The following HMBOX1 variants were observed in gnomAD, a reference collection of about 807,000 sequenced individuals.
HMBOX1 encodes the protein homeobox-containing protein 1.
A neutral mutation model predicts 54.5 loss-of-function variants in HMBOX1; 14 were observed. That is an observed-to-expected ratio of 0.26 (90% confidence interval 0.17 to 0.40). The LOEUF is 0.40. HMBOX1 is among the 10% of genes least tolerant of loss of function. The probability of loss-of-function intolerance (pLI) is 1.00; values close to 1 mark genes in which losing one functional copy is unlikely to be tolerated. For missense variants in HMBOX1, 332 were observed against 514.4 expected, an observed-to-expected ratio of 0.65 and a Z score of 3.43; for synonymous variants, 160 against 181.0, an observed-to-expected ratio of 0.88 and a Z score of 0.93.
intron 1 of HMBOX1, among the ~76,000 whole-genome samples, chr8:28,925,862 A>G (rs1818353442): frequency 6.6e-6 from 1 of 152,202 alleles, no homozygotes; most frequent in Non-Finnish European, 1.5e-5. Flanking sequence ...GTGACCTTGA[A>G]TCTACTACTT....
intron 1 of HMBOX1, among the ~76,000 whole-genome samples, chr8:28,957,981 T>C (rs186560643): frequency 8.5e-5 from 13 of 152,332 alleles, no homozygotes; most frequent in South Asian, 6.2e-4. Flanking sequence ...CTCAATATAG[T>C]TATTCATAAA....
intron 4 of HMBOX1, among the ~76,000 whole-genome samples, 167 bp from the exon 5 acceptor site, chr8:29,008,905 T>G (rs1165994329): frequency 6.6e-6 from 1 of 152,230 alleles, no homozygotes; most frequent in Non-Finnish European, 1.5e-5. Context: ...TCCTAGCCAG[T>G]GCAGTCAGTC....
intron 1 of HMBOX1, among the ~76,000 whole-genome samples, chr8:28,945,416 A>C (rs1224781802): frequency 1.3e-5 from 2 of 152,240 alleles, no homozygotes; most frequent in East Asian, 3.8e-4. Context: ...TCCAACTCCA[A>C]GTTTTTCATT....
At chr8:29,002,344 G>T (rs1832785000) in intron 4 of HMBOX1, among the ~76,000 whole-genome samples, 1 of 152,136 alleles carries the variant, frequency 6.6e-6, no homozygotes, top group Non-Finnish European at 1.5e-5. Flanking sequence ...GGAGACGAAG[G>T]CAGAAGGTGT....
At chr8:28,891,981 C>T (rs937806178) in intron 1 of HMBOX1, among the ~76,000 whole-genome samples, 2 of 152,142 alleles carry the variant, frequency 1.3e-5, no homozygotes, top group Admixed American at 1.3e-4. Context: ...CTTCCCTCTT[C>T]CTTCCTTCCT....
intron 1 of HMBOX1, among the ~76,000 whole-genome samples, chr8:28,905,709 C>G (rs910369068): frequency 6.6e-6 from 1 of 152,184 alleles, no homozygotes; most frequent in Non-Finnish European, 1.5e-5. Context: ...ACCAGCTGGC[C>G]TTATCCTATT....
chr8:28,938,844 C>T (rs1428653708), intron 1 of HMBOX1, among the ~76,000 whole-genome samples: 1 of 152,144 alleles, frequency 6.6e-6, no homozygotes, highest in African/African-American at 2.4e-5. Context: ...GGGCAGATGG[C>T]ACCACCTTCA....
In HMBOX1 at chr8:28,970,603, TTAGCTATAAGAACTGTAACTTCCTC is replaced by T. The variant is rs920921011; in HGVS notation, c.500+110_500+134del. 1.8e-5 allele frequency: 15 copies of T among 837,592 alleles called. No homozygotes were observed. Among genetic ancestry groups the T allele is most frequent in the Admixed American group, 4.7e-5 (2 of 42,412 alleles). 51.9% of individuals were successfully genotyped at this position (837,592 alleles called of 1,614,324 possible). Reference sequence around the variant, plus strand: ...AAGTAGTATGCTGCGTTTCAGCTACTTAGCTATAAGAACTGTAACTTCCTCTAGCTATAAGAACTGTAACTTCCTC... The same window carrying T: ...AAGTAGTATGCTGCGTTTCAGCTACTTAGCTATAAGAACTGTAACTTCCTC... On this transcript the variant is annotated intron_variant, in intron 3 of 9. Transcript: ENST00000287701. This position sits in a 1 kb window ranked among gnomAD's most constrained non-coding sequence, Gnocchi z 4.3.
intron 6 of HMBOX1, 135 bp downstream of exon 6, chr8:29,019,048 C>T: frequency 1.5e-6 from 1 of 676,740 alleles, no homozygotes; most frequent in Non-Finnish European, 2.5e-6. Flanking sequence ...TTTAGAATAT[C>T]ATAAATGCTG....
At chr8:28,920,019 C>G (rs908394330) in intron 1 of HMBOX1, among the ~76,000 whole-genome samples, 1 of 150,718 alleles carries the variant, frequency 6.6e-6, no homozygotes, top group African/African-American at 2.4e-5. Flanking sequence ...ATAGCTAGAC[C>G]TAGAGATGTA....
At chr8:29,050,389 A>G (rs1041413434) in intron 9 of HMBOX1, 14 of 196,488 alleles carry the variant, frequency 7.1e-5, no homozygotes, top group Admixed American at 1.3e-4. Context: ...AGTTCTAGGT[A>G]AGACGCCTGC....
At chr8:29,015,365 A>G (rs571240984) in intron 5 of HMBOX1, among the ~76,000 whole-genome samples, 1 of 152,284 alleles carries the variant, frequency 6.6e-6, no homozygotes, top group South Asian at 2.1e-4. Context: ...TTTCTTTACA[A>G]GGGTCAGCCC....
intron 6 of HMBOX1, among the ~76,000 whole-genome samples, chr8:29,026,865 A>C (rs1280738130): frequency 1.3e-5 from 2 of 152,230 alleles, no homozygotes; most frequent in Non-Finnish European, 2.9e-5. Flanking sequence ...TATATGTTAC[A>C]ACCTTCCATT....
Position 28,927,369 on chromosome 8 carries a change from A to G in HMBOX1, c.-57-36442A>G, listed in dbSNP as rs139096478. On this transcript the variant is annotated intron_variant, in intron 1 of 9. Transcript: ENST00000287701. ...ATAAAGGGATATCTGAAGCTGGGTA[A>G]TTTACAAAGAAGAGAGGTTTATTTG... is the stretch of plus-strand genomic sequence containing the variant. 9.8e-3 allele frequency among the ~76,000 whole-genome samples: 1,486 copies of G among 152,240 alleles called. 56 individuals are homozygous for G. The highest frequency in any genetic ancestry group is 0.067 in the Admixed American group (1,018 of 15,280).
intron 1 of HMBOX1, among the ~76,000 whole-genome samples, chr8:28,934,297 A>G (rs1444931091): frequency 1.3e-5 from 2 of 152,234 alleles, no homozygotes; most frequent in East Asian, 3.8e-4. Flanking sequence ...AACTAGGCAT[A>G]GAAAAGAACT....
chr8:29,034,084 T>C (rs1486012822), intron 6 of HMBOX1, among the ~76,000 whole-genome samples: 2 of 152,248 alleles, frequency 1.3e-5, no homozygotes, highest in African/African-American at 2.4e-5. Context: ...ATTGTTATAC[T>C]AAACATTCAC....
chr8:28,989,241 C>T (rs1830598793), intron 4 of HMBOX1, among the ~76,000 whole-genome samples: 1 of 151,372 alleles, frequency 6.6e-6, no homozygotes, highest in African/African-American at 2.4e-5. Flanking sequence ...CGTTGCACTC[C>T]AGCCTGGGCA....
intron 6 of HMBOX1, among the ~76,000 whole-genome samples, chr8:29,045,043 T>C (rs950767397): frequency 2.0e-5 from 3 of 152,260 alleles, no homozygotes; most frequent in Non-Finnish European, 2.9e-5. Context: ...CACAGCAGTA[T>C]GTAGACCTGT....
chr8:29,028,388 T>G (rs548389389), intron 6 of HMBOX1, among the ~76,000 whole-genome samples: 3 of 152,208 alleles, frequency 2.0e-5, no homozygotes, highest in Non-Finnish European at 4.4e-5. Context: ...AGAACTAGCA[T>G]GGAAGAGACA....
Sources: allele counts gnomAD v4.1 joint callset (sites outside exome capture counted in the v4.1 genomes callset), GRCh38; gene constraint gnomAD v4.1.1; non-coding constraint Gnocchi (gnomAD v3.1); transcripts MANE v1.5; gene names NCBI Gene and HGNC (gene_info 2026-07-23, HGNC 2026-07-21).